COMMD1: variants seen among roughly 807,000 people sequenced by gnomAD.
The protein encoded by COMMD1 is copper metabolism domain containing 1, also known as COMM domain-containing protein 1.
In COMMD1, 10 loss-of-function variants were observed where a neutral mutation model predicts 17.2. That is an observed-to-expected ratio of 0.58 (90% CI 0.36 to 0.99). COMMD1 has a LOEUF of 0.99. COMMD1 is among the 50% of genes least tolerant of loss of function. COMMD1 has a pLI of 0.01. For synonymous variants in COMMD1, 97 were observed against 91.6 expected (o/e 1.06, Z -0.34); for missense variants, 270 against 231.8 (o/e 1.17, Z -1.07).
At chr2:61,997,557 G>A (rs1668801515) in intron 1 of COMMD1, among the ~76,000 whole-genome samples, 2 of 152,136 alleles carry the variant, frequency 1.3e-5, no homozygotes, top group African/African-American at 4.8e-5. Context: ...CTGAGCAGTA[G>A]TTTTACGTAA....
chr2:61,994,047 C>T (rs1328734338), intron 1 of COMMD1, among the ~76,000 whole-genome samples: 1 of 152,062 alleles, frequency 6.6e-6, no homozygotes, highest in East Asian at 1.9e-4. Context: ...AGTGCAGTGG[C>T]GCAATCTTGG....
chr2:61,891,952 C>T (rs1034200648), intron 1 of COMMD1, among the ~76,000 whole-genome samples: 27 of 151,600 alleles, frequency 1.8e-4, no homozygotes, highest in Admixed American at 6.6e-4. Context: ...CTGTCTCAGC[C>T]TCCTGAGTAG....
chr2:61,914,702 G>GT (rs1451335234), intron 1 of COMMD1, among the ~76,000 whole-genome samples: 1 of 151,766 alleles, frequency 6.6e-6, no homozygotes, highest in Non-Finnish European at 1.5e-5. Flanking sequence ...TTTTTGTTTT[G>GT]TTTTTTGAAA....
chr2:61,946,250 A>G (rs1670901693), intron 1 of COMMD1, among the ~76,000 whole-genome samples: 1 of 152,232 alleles, frequency 6.6e-6, no homozygotes, highest in South Asian at 2.1e-4. Flanking sequence ...GTTATTTTTA[A>G]CATCTCTCTT....
At chr2:62,067,682 A>C (rs946865837) in intron 2 of COMMD1, among the ~76,000 whole-genome samples, 3 of 152,200 alleles carry the variant, frequency 2.0e-5, no homozygotes, top group Non-Finnish European at 4.4e-5. Flanking sequence ...ATATGATCCT[A>C]TGGTAATAAA....
At chr2:62,010,627 G>A (rs1253209149) in intron 2 of COMMD1, among the ~76,000 whole-genome samples, 6 of 152,018 alleles carry the variant, frequency 3.9e-5, no homozygotes, top group Non-Finnish European at 8.8e-5. Flanking sequence ...TGTTCCCCCT[G>A]CATTTTTTCT....
chr2:62,077,750 C>A lies in COMMD1; in HGVS notation c.463-58081C>A, dbSNP rs114719742. The stretch of plus-strand genomic sequence containing the variant: ...GCCCGTGACACAGCTCTCAGAAGGT[C>A]CTGAGAACCCAAGGTGGTCGGGGTG... On this transcript the variant is annotated intron_variant, in intron 2 of 2. Transcript: ENST00000311832. 8.1e-3 allele frequency among the ~76,000 whole-genome samples: 1,224 copies of A among 152,026 alleles called. 25 individuals are homozygous for A. Among genetic ancestry groups the A allele is most frequent in the African/African-American group, 0.028 (1,148 of 41,432 alleles).
At chr2:62,061,178 C>T (rs1230083653) in intron 2 of COMMD1, among the ~76,000 whole-genome samples, 2 of 152,144 alleles carry the variant, frequency 1.3e-5, no homozygotes, top group Admixed American at 1.3e-4. Flanking sequence ...AATTCCGACA[C>T]CTAGGTAATT....
intron 2 of COMMD1, among the ~76,000 whole-genome samples, chr2:62,045,417 C>T (rs1369556535): frequency 6.6e-6 from 1 of 152,096 alleles, no homozygotes; most frequent in Non-Finnish European, 1.5e-5. Context: ...GAAACTATAC[C>T]TATATCTTAG....
At chr2:62,083,620 CT>C (rs1671585694) in intron 2 of COMMD1, among the ~76,000 whole-genome samples, 1 of 152,206 alleles carries the variant, frequency 6.6e-6, no homozygotes, top group African/African-American at 2.4e-5. Context: ...TGTCATTCAA[CT>C]TTTTTTGTTC....
intron 1 of COMMD1, among the ~76,000 whole-genome samples, chr2:61,943,024 A>G (rs72821349): frequency 0.014 from 2,127 of 152,326 alleles, 27 homozygotes; most frequent in Non-Finnish European, 0.022. Context: ...TTTGCAAACA[A>G]TAGTAAAAAG....
chr2:61,910,252 C>A (rs1254485729), intron 1 of COMMD1, among the ~76,000 whole-genome samples: 1 of 123,786 alleles, frequency 8.1e-6, no homozygotes. Context: ...CTAAACACTG[C>A]CCCCCCCTTT....
In COMMD1 at chr2:61,931,639, A is replaced by G. The variant is rs116688589; in HGVS notation, c.180+25781A>G. On this transcript the variant is annotated intron_variant, in intron 1 of 2. Coordinates refer to ENST00000311832, the MANE Select transcript of COMMD1 (RefSeq NM_152516.4). ...GAGTTCATTTCAGGTGTTGGATGGT[A>G]ATGGGCAACAGCAGGTGCTATATTA... Among the ~76,000 whole-genome samples the G allele has an allele frequency of 5.4e-4, 83 of 152,332 alleles. 1 individual carries two copies. Among genetic ancestry groups the G allele is most frequent in the African/African-American group, 1.9e-3 (78 of 41,572 alleles).
intron 1 of COMMD1, among the ~76,000 whole-genome samples, chr2:61,957,560 C>T (rs1036236699): frequency 2.6e-5 from 4 of 151,872 alleles, no homozygotes; most frequent in African/African-American, 7.3e-5. Context: ...TAACGTTAGC[C>T]GTAAAGTCTT....
intron 2 of COMMD1, among the ~76,000 whole-genome samples, chr2:62,101,394 C>T (rs1672173274): frequency 1.3e-5 from 2 of 152,116 alleles, no homozygotes; most frequent in African/African-American, 4.8e-5. Flanking sequence ...AGGATCACTT[C>T]AGCCCAAAAG....
At chr2:61,933,982 C>G (rs1024626414) in intron 1 of COMMD1, among the ~76,000 whole-genome samples, 2 of 152,206 alleles carry the variant, frequency 1.3e-5, no homozygotes, top group East Asian at 3.9e-4. Flanking sequence ...TCAGGCTGGT[C>G]TCAAACTCCC....
chr2:61,990,464 A>T (rs562111400), intron 1 of COMMD1, among the ~76,000 whole-genome samples: 1 of 152,318 alleles, frequency 6.6e-6, no homozygotes, highest in East Asian at 1.9e-4. Context: ...AGGCGGAAGG[A>T]CTGCTTTGAG....
At chr2:62,052,889 C>CA (rs1438198068) in intron 2 of COMMD1, among the ~76,000 whole-genome samples, 1 of 152,106 alleles carries the variant, frequency 6.6e-6, no homozygotes, top group African/African-American at 2.4e-5. Flanking sequence ...GGCAACATGA[C>CA]AAAACTCCGT....
At chr2:61,915,480 T>C (rs964132841) in intron 1 of COMMD1, among the ~76,000 whole-genome samples, 2 of 152,126 alleles carry the variant, frequency 1.3e-5, no homozygotes, top group African/African-American at 4.8e-5. Flanking sequence ...TTCAAACACA[T>C]TTAAAAATTG....
Sources: gnomAD v4.1 joint callset for allele counts (sites outside exome capture counted in the v4.1 genomes callset) on GRCh38, gnomAD v4.1.1 for gene constraint, MANE v1.5 for transcripts, NCBI Gene and HGNC (gene_info 2026-07-23, HGNC 2026-07-21) for gene names.